MAGI2: variants seen among roughly 807,000 people sequenced by gnomAD.
MAGI2 encodes the protein membrane associated guanylate kinase, WW and PDZ domain containing 2, also known as membrane-associated guanylate kinase, WW and PDZ domain-containing protein 2.
In MAGI2, 35 loss-of-function variants were observed where a neutral mutation model predicts 133.3. That is an observed-to-expected ratio of 0.26 (90% confidence interval 0.20 to 0.35). The LOEUF (loss-of-function observed/expected upper bound fraction) is 0.35. MAGI2 is among the 10% of genes least tolerant of loss of function. The pLI, the probability that MAGI2 is intolerant of heterozygous loss-of-function variation, is 1.00. For missense variants in MAGI2, 1,636 were observed against 1,863.4 expected (o/e 0.88, Z 2.25); for synonymous variants, 729 against 710.6 (o/e 1.03, Z -0.41).
At chr7:78,544,130 G>A (rs963166761) in intron 3 of MAGI2, among the ~76,000 whole-genome samples, 12 of 152,220 alleles carry the variant, frequency 7.9e-5, no homozygotes, top group African/African-American at 2.7e-4. Context: ...ACTGGAAATG[G>A]AATATGAAAC....
At chr7:78,291,056 A>G (rs1796654890) in intron 9 of MAGI2, among the ~76,000 whole-genome samples, 1 of 152,248 alleles carries the variant, frequency 6.6e-6, no homozygotes, top group Non-Finnish European at 1.5e-5. Context: ...CACATTCAAA[A>G]GTTAGCAGAA....
chr7:78,525,851 A>C (rs543933831), intron 3 of MAGI2, among the ~76,000 whole-genome samples: 1 of 152,374 alleles, frequency 6.6e-6, no homozygotes, highest in African/African-American at 2.4e-5. Flanking sequence ...TAACCTGCAC[A>C]CCGTCATGGG....
chr7:78,319,920 C>G (rs1584861250), intron 9 of MAGI2, among the ~76,000 whole-genome samples: 3 of 152,126 alleles, frequency 2.0e-5, no homozygotes, highest in Admixed American at 2.0e-4. Context: ...CAAATAGATG[C>G]AATAAAATAT....
At chr7:79,413,317 G>C (rs12706162) in intron 1 of MAGI2, 298 of 152,114 alleles carry the variant, frequency 2.0e-3, no homozygotes, top group African/African-American at 5.9e-3. Flanking sequence ...AATAAAGAGG[G>C]AGATTTTTCT....
At chr7:78,588,085 C>T (rs1036258047) in intron 3 of MAGI2, among the ~76,000 whole-genome samples, 25 of 152,310 alleles carry the variant, frequency 1.6e-4, no homozygotes, top group African/African-American at 6.0e-4. Flanking sequence ...GAATACAATG[C>T]ATATCCTCTA....
At chr7:78,731,806 G>A (rs543395088) in intron 2 of MAGI2, among the ~76,000 whole-genome samples, 31 of 152,188 alleles carry the variant, frequency 2.0e-4, no homozygotes, top group African/African-American at 6.7e-4. Flanking sequence ...ATTTAAGTAA[G>A]TTGTTCTCCC....
chr7:79,192,074 GATAGAAT>G (rs1219790441), intron 1 of MAGI2, among the ~76,000 whole-genome samples: 1 of 151,722 alleles, frequency 6.6e-6, no homozygotes, highest in Non-Finnish European at 1.5e-5. Context: ...CTAATAACAT[GATAGAAT>G]AAGACCTGCA....
intron 2 of MAGI2, among the ~76,000 whole-genome samples, chr7:79,002,134 C>CT (rs11301382): frequency 0.015 from 2,061 of 135,200 alleles, 47 homozygotes; most frequent in African/African-American, 0.051. Flanking sequence ...TCTTCTTCTT[C>CT]TTTTTTTTTT....
chr7:79,414,465 T>C (rs897033920), intron 1 of MAGI2: 1 of 152,118 alleles, frequency 6.6e-6, no homozygotes, highest in Non-Finnish European at 1.5e-5. Context: ...TGGTCAAAGT[T>C]AGAGTTCATA....
intron 21 of MAGI2, among the ~76,000 whole-genome samples, chr7:78,076,639 G>A (rs1362148203): frequency 6.6e-6 from 1 of 150,584 alleles, no homozygotes; most frequent in Non-Finnish European, 1.5e-5. Flanking sequence ...GAGGTCAGGA[G>A]ATCGAGACCA....
At chr7:78,675,313 T>C (rs1814896384) in intron 2 of MAGI2, among the ~76,000 whole-genome samples, 2 of 151,730 alleles carry the variant, frequency 1.3e-5, no homozygotes, top group Admixed American at 1.3e-4. Flanking sequence ...TTCCATGTAG[T>C]TAAAAAAAGA....
chr7:78,177,942 C>A, intron 14 of MAGI2, 69 bp downstream of exon 14: 1 of 1,097,300 alleles, frequency 9.1e-7, no homozygotes. Flanking sequence ...TCACACTAAA[C>A]ACTATTTTCC....
At chr7:78,146,198 A>G (rs1823292725) in intron 16 of MAGI2, among the ~76,000 whole-genome samples, 1 of 152,062 alleles carries the variant, frequency 6.6e-6, no homozygotes, top group African/African-American at 2.4e-5. Context: ...GTTTCTAAAG[A>G]AATGAGTGGG....
intron 1 of MAGI2, among the ~76,000 whole-genome samples, chr7:79,245,556 G>T (rs1832757594): frequency 6.6e-6 from 1 of 152,176 alleles, no homozygotes; most frequent in African/African-American, 2.4e-5. Context: ...ATGTGGAAAG[G>T]GATGGTAATA....
At chr7:78,674,293 C>T (rs1467271821) in intron 2 of MAGI2, among the ~76,000 whole-genome samples, 1 of 151,208 alleles carries the variant, frequency 6.6e-6, no homozygotes, top group Non-Finnish European at 1.5e-5. Context: ...GCTATTTTGG[C>T]ACCAGGCAAA....
intron 6 of MAGI2, among the ~76,000 whole-genome samples, chr7:78,413,850 G>C (rs1000007627): frequency 6.6e-6 from 1 of 151,996 alleles, no homozygotes; most frequent in African/African-American, 2.4e-5. Flanking sequence ...TCCTATAACT[G>C]TTTCAGTGGA....
chr7:78,882,109 G>A (rs369204516), intron 2 of MAGI2, among the ~76,000 whole-genome samples: 13,412 of 46,184 alleles, frequency 0.29, 354 homozygotes, highest in Non-Finnish European at 0.32. Flanking sequence ...AAAAAAAAAA[G>A]AAAAGAAAAA....
chr7:78,687,093 C>A (rs1340553428), intron 2 of MAGI2, among the ~76,000 whole-genome samples: 1 of 152,186 alleles, frequency 6.6e-6, no homozygotes, highest in African/African-American at 2.4e-5. Context: ...GACTGACCCA[C>A]ACCTTTGTAG....
intron 3 of MAGI2, among the ~76,000 whole-genome samples, chr7:78,620,578 C>A (rs1807623014): frequency 6.6e-6 from 1 of 151,816 alleles, no homozygotes; most frequent in African/African-American, 2.4e-5. Context: ...CTCAAGAAAC[C>A]TGGTGTGCTG....
Sources: gnomAD v4.1 joint callset for allele counts (sites outside exome capture counted in the v4.1 genomes callset) on GRCh38, gnomAD v4.1.1 for gene constraint, MANE v1.5 for transcripts, NCBI Gene and HGNC (gene_info 2026-07-23, HGNC 2026-07-21) for gene names.